Variants in CTBP2 observed in about 807,000 individuals in gnomAD.
CTBP2 encodes C-terminal-binding protein 2.
A neutral mutation model predicts 80.3 loss-of-function variants in CTBP2; 30 were observed. The ratio of observed to expected loss-of-function variants is 0.37; its 90% CI spans 0.28 to 0.51. The LOEUF is 0.51. Among genes scored for constraint, CTBP2 ranks in the 20% least tolerant of loss-of-function variants. CTBP2 has a pLI of 0.93. For missense variants in CTBP2, 1,212 were observed against 1,375.3 expected (o/e 0.88, Z 1.88); for synonymous variants, 594 against 587.4 (o/e 1.01, Z -0.16).
intron 2 of CTBP2, among the ~76,000 whole-genome samples, chr10:125,077,319 G>A (rs145775109): frequency 1.3e-4 from 20 of 152,292 alleles, no homozygotes; most frequent in African/African-American, 2.9e-4. Context: ...CACATTCAGC[G>A]TTTCCAGCAT....
chr10:125,014,805 G>A (rs949947054), intron 1 of CTBP2, among the ~76,000 whole-genome samples: 1 of 152,220 alleles, frequency 6.6e-6, no homozygotes, highest in Non-Finnish European at 1.5e-5. Context: ...CAGTGACCAC[G>A]GCTGCTCAGA....
rs1246614734 is a variant in CTBP2, at chr10:124,986,287, G to GCACA, written c.*3230_*3231insTGTG. The GCACA allele has an allele frequency of 2.5e-4, 18 of 73,092 alleles. No homozygotes were observed. Among genetic ancestry groups the GCACA allele is most frequent in the African/African-American group, 7.6e-4 (18 of 23,762 alleles). The allele number at this position is 73,092 out of a possible 1,614,324, so 4.5% of individuals were successfully genotyped here. A position where few individuals can be genotyped will look rare whatever the true frequency, so the allele number is the denominator to read the frequency against. Reference sequence around the variant, plus strand: ...GGAAAGACGACACACGCACGCGCGCGCGCGCACACACACACACACACACAC... The same window carrying GCACA: ...GGAAAGACGACACACGCACGCGCGCGCACACGCGCACACACACACACACACACAC... On this transcript the variant is annotated 3_prime_UTR_variant, in exon 9 of 9. Coordinates refer to ENST00000309035, the MANE Select transcript of CTBP2 (RefSeq NM_022802.3).
At chr10:125,050,131 C>T (rs1442686121) in intron 2 of CTBP2, among the ~76,000 whole-genome samples, 2 of 152,202 alleles carry the variant, frequency 1.3e-5, no homozygotes, top group African/African-American at 4.8e-5. Flanking sequence ...ATTATGTTTG[C>T]TTTATGAGGG....
chr10:125,005,426 C>A lies in CTBP2; in HGVS notation c.1679-1934G>T, dbSNP rs1396530458. On this transcript the variant is annotated intron_variant, in intron 1 of 8. Coordinates refer to ENST00000309035, the MANE Select transcript of CTBP2 (RefSeq NM_022802.3). ...TCACTCCTGCTGCTGCCCCGACACC[C>A]AGGTCCCCAAACAGGGTGTCCGCAT... is the stretch of plus-strand genomic sequence containing the variant. 7 of 978,470 alleles carry A rather than the reference C, an allele frequency of 7.2e-6. No individual in the cohort carries two copies. In the African/African-American group the frequency reaches 1.1e-4, roughly 16 times the overall value. 60.6% of individuals were successfully genotyped at this position (978,470 alleles called of 1,614,324 possible). A position where few individuals can be genotyped will look rare whatever the true frequency, so the allele number is the denominator to read the frequency against.
upstream of CTBP2, among the ~76,000 whole-genome samples, chr10:125,028,980 G>C (rs1480207309): frequency 6.6e-6 from 1 of 152,206 alleles, no homozygotes. Context: ...TACCAGAGAA[G>C]CAACATCCCA....
chr10:125,037,218 C>CA (rs1183246622), intron 3 of CTBP2, among the ~76,000 whole-genome samples: 1 of 152,148 alleles, frequency 6.6e-6, no homozygotes, highest in Non-Finnish European at 1.5e-5. Flanking sequence ...CTGGATGGGA[C>CA]AGAGGGTCTG....
At chr10:125,158,918 G>T (rs954634126) in intron 1 of CTBP2, among the ~76,000 whole-genome samples, 2 of 151,722 alleles carry the variant, frequency 1.3e-5, no homozygotes, top group Non-Finnish European at 3.0e-5. Context: ...GTGTGCGCGC[G>T]TGTGTGTCTC....
At chr10:125,096,430 T>TA (rs1263890632) in intron 2 of CTBP2, among the ~76,000 whole-genome samples, 1 of 152,178 alleles carries the variant, frequency 6.6e-6, no homozygotes, top group Non-Finnish European at 1.5e-5. Flanking sequence ...CTCATGAATC[T>TA]AAAGCTGACT....
At chr10:125,037,618 G>C (rs979458493) in intron 3 of CTBP2, among the ~76,000 whole-genome samples, 22 of 152,242 alleles carry the variant, frequency 1.4e-4, no homozygotes, top group African/African-American at 4.6e-4. Context: ...AAGGAGACTA[G>C]AGAGATGTAA....
intron 3 of CTBP2, among the ~76,000 whole-genome samples, chr10:125,002,005 G>T (rs1565051135): frequency 6.6e-6 from 1 of 152,210 alleles, no homozygotes; most frequent in Non-Finnish European, 1.5e-5. Context: ...CGTCCCGGAA[G>T]CACCGGGGCC....
chr10:125,159,561 A>T (rs892781398), intron 1 of CTBP2, among the ~76,000 whole-genome samples: 3 of 149,924 alleles, frequency 2.0e-5, no homozygotes, highest in African/African-American at 7.3e-5. Context: ...CGGGGCCGGC[A>T]AAACAAAAGG....
rs570830004 is a variant in CTBP2 at position 125,011,020 on chromosome 10, T to C, written c.1679-7528A>G. Among the ~76,000 whole-genome samples the C allele has an allele frequency of 2.2e-4, 34 of 152,302 alleles. No homozygotes were observed. In the South Asian group the frequency reaches 6.6e-3, roughly 30 times the overall value. ...AATTTAAAAGGGTTTATGGCAAAGG[T>C]TTCATGTGAATTATCCCTCAAGTTC... is the stretch of plus-strand genomic sequence containing the variant. On this transcript the variant is annotated intron_variant, in intron 1 of 8. Coordinates refer to ENST00000309035, the MANE Select transcript of CTBP2 (RefSeq NM_022802.3).
chr10:125,014,084 A>C (rs1454523600), intron 1 of CTBP2, among the ~76,000 whole-genome samples: 1 of 152,184 alleles, frequency 6.6e-6, no homozygotes, highest in East Asian at 1.9e-4. Flanking sequence ...CATCATGGTA[A>C]CTGTTATCAG....
At chr10:124,993,373 T>C in intron 6 of CTBP2, 44 bp from the exon 9 acceptor site, 1 of 1,584,658 alleles carries the variant, frequency 6.3e-7, no homozygotes, top group East Asian at 2.3e-5. Flanking sequence ...AAATGTCGCA[T>C]ACGCTCCCTG....
In CTBP2 at chr10:124,984,938, G is replaced by A; in HGVS notation, c.*4580C>T. ...GGCTTGACCGCTACCGACAGATCCG[G>A]CCGTGTACATCCCTGTCTGATGGAG... On this transcript the variant is annotated 3_prime_UTR_variant, in exon 9 of 9. Transcript: ENST00000309035. The A allele has an allele frequency of 6.2e-7, 1 of 1,614,010 alleles. No homozygotes were observed. Among genetic ancestry groups the A allele is most frequent in the Non-Finnish European group, 8.5e-7 (1 of 1,180,008 alleles).
At chr10:125,083,193 A>G (rs1294255298) in intron 2 of CTBP2, among the ~76,000 whole-genome samples, 1 of 152,216 alleles carries the variant, frequency 6.6e-6, no homozygotes, top group Non-Finnish European at 1.5e-5. Flanking sequence ...GCAAGTTTAC[A>G]TCTGACACCA....
chr10:125,012,349 C>T (rs548338444), intron 1 of CTBP2, among the ~76,000 whole-genome samples: 83 of 152,274 alleles, frequency 5.5e-4, no homozygotes, highest in South Asian at 2.1e-3. Flanking sequence ...AACACGGGGA[C>T]GGTCCCTGCA....
intron 1 of CTBP2, among the ~76,000 whole-genome samples, chr10:125,134,335 C>A (rs1856631907): frequency 6.6e-6 from 1 of 152,170 alleles, no homozygotes. Context: ...GCGGAAGCCC[C>A]CCCGCCCCGT....
intron 2 of CTBP2, among the ~76,000 whole-genome samples, chr10:125,060,029 G>A (rs1320349211): frequency 1.3e-5 from 2 of 152,174 alleles, no homozygotes; most frequent in Non-Finnish European, 2.9e-5. Context: ...CATCCTTCCC[G>A]GGGGCCAAAG....
Sources: gnomAD v4.1 joint callset for allele counts (sites outside exome capture counted in the v4.1 genomes callset) on GRCh38, gnomAD v4.1.1 for gene constraint, MANE v1.5 for transcripts, NCBI Gene and HGNC (gene_info 2026-07-23, HGNC 2026-07-21) for gene names.